The following EXOC6 variants were observed in gnomAD, a reference collection of about 807,000 sequenced individuals.
The protein encoded by EXOC6 is exocyst complex component 6, also known as SEC15-like 1.
A neutral mutation model predicts 112.5 loss-of-function variants in EXOC6; 60 were observed. The ratio of observed to expected loss-of-function variants is 0.53; its 90% CI spans 0.43 to 0.66. The LOEUF (loss-of-function observed/expected upper bound fraction) is 0.66, where lower values mean the gene tolerates loss of function less well. EXOC6 is among the 30% of genes least tolerant of loss of function. The pLI is 0.00. For synonymous variants in EXOC6, 295 were observed against 308.0 expected (o/e 0.96, Z 0.44); for missense variants, 855 against 957.1 (o/e 0.89, Z 1.41).
Position 92,915,905 on chromosome 10 carries a change from G to T in EXOC6, c.811G>T (p.Glu271Ter). 6.5e-7 allele frequency: 1 copy of T among 1,533,430 alleles called. No homozygotes were observed. The highest frequency in any genetic ancestry group is 1.3e-5 in the South Asian group (1 of 76,210). 95.0% of individuals were successfully genotyped at this position (1,533,430 alleles called of 1,614,324 possible). ...KHSLEEEDEN[E>*]EEILTVQDLV... ...TTCACTTGAAGAAGAGGATGAGAAT[G>T]AAGAAGAGGTGATAGGTGTCTTTCT... Residue 271 changes from glutamate (E) to a stop codon, truncating the protein, a stop_gained, in exon 7 of 22, where the codon GAA becomes TAA. Coordinates refer to ENST00000260762, the MANE Select transcript of EXOC6 (RefSeq NM_019053.6). LOFTEE classifies it high-confidence loss of function.
In EXOC6 at chr10:93,059,251, C is replaced by T. The variant is rs1168618500; in HGVS notation, c.*896C>T. ...GGAAACAAGCCAAACCAAATGAACT[C>T]TGGAAAACCTAAAACAAATGTACAT... is the stretch of plus-strand genomic sequence containing the variant. On this transcript the variant is annotated 3_prime_UTR_variant, in exon 22 of 22. Transcript: ENST00000260762. 1 of 152,176 alleles carries T rather than the reference C, an allele frequency of 6.6e-6. No individual in the cohort carries two copies. The highest frequency in any genetic ancestry group is 6.6e-5 in the Admixed American group (1 of 15,266). 9.4% of individuals were successfully genotyped at this position (152,176 alleles called of 1,614,324 possible). A position where few individuals can be genotyped will look rare whatever the true frequency, so the allele number is the denominator to read the frequency against.
At chr10:92,864,144 A>T (rs1215595738) in intron 1 of EXOC6, among the ~76,000 whole-genome samples, 1 of 152,174 alleles carries the variant, frequency 6.6e-6, no homozygotes. Context: ...GAAACACAGA[A>T]AATTATTCTG....
intron 12 of EXOC6, among the ~76,000 whole-genome samples, chr10:92,937,976 C>G (rs1355566528): frequency 6.6e-6 from 1 of 152,110 alleles, no homozygotes; most frequent in Non-Finnish European, 1.5e-5. Context: ...TCCCCAAGTA[C>G]AAAGTTTAGT....
intron 20 of EXOC6, among the ~76,000 whole-genome samples, chr10:93,045,541 A>G (rs761171884): frequency 1.9e-4 from 29 of 152,158 alleles, no homozygotes; most frequent in Non-Finnish European, 2.9e-4. Context: ...TTGGCATACA[A>G]TTTTTTCATT....
At chr10:92,975,865 C>A (rs1842559984) in intron 18 of EXOC6, among the ~76,000 whole-genome samples, 1 of 138,180 alleles carries the variant, frequency 7.2e-6, no homozygotes, top group Non-Finnish European at 1.6e-5. Flanking sequence ...GCCGCCCCTA[C>A]TGGGAAGTGA....
intron 1 of EXOC6, among the ~76,000 whole-genome samples, chr10:92,884,374 G>A (rs192181821): frequency 6.6e-6 from 1 of 152,224 alleles, no homozygotes. Context: ...GCAGTTGATT[G>A]ACATTTAGTA....
At chr10:92,933,460 A>G (rs2133951942) in intron 9 of EXOC6, among the ~76,000 whole-genome samples, 1 of 152,316 alleles carries the variant, frequency 6.6e-6, no homozygotes, top group East Asian at 1.9e-4. Context: ...GGTGACATGT[A>G]GACTATATTT....
Position 92,935,936 on chromosome 10 carries a change from C to G in EXOC6, c.1212+51C>G, listed in dbSNP as rs748279169. On this transcript the variant is annotated intron_variant, in intron 12 of 21. Transcript: ENST00000260762. ...GTTATTCTGATCACTTAAAAACATACAAAATATAGGCTATACTCATTTATG... is the reference window on the plus strand; with the variant it reads ...GTTATTCTGATCACTTAAAAACATAGAAAATATAGGCTATACTCATTTATG... 2.6e-6 allele frequency: 3 copies of G among 1,164,806 alleles called. No individual in the cohort carries two copies. The African/African-American group carries it at 4.7e-5, about 18-fold the overall frequency. The allele number at this position is 1,164,806 out of a possible 1,614,324, so 72.2% of individuals were successfully genotyped here.
In EXOC6 at chr10:92,935,879, T is replaced by G; in HGVS notation, c.1206T>G (p.Thr402=). The G allele has an allele frequency of 6.3e-7, 1 of 1,594,320 alleles. No homozygotes were observed. Among genetic ancestry groups the G allele is most frequent in the Non-Finnish European group, 8.6e-7 (1 of 1,164,176 alleles). Residue 402 remains threonine (T), a synonymous_variant, in exon 12 of 22, where the codon ACT becomes ACG. Transcript: ENST00000260762. ...ATCTTACTGTAATATTTGCAGATAC[T>G]TTACAGGTGGGTGATAACCTAACAA... ...LKNLTVIFAD[T]LQGYGFPVNR... is the part of the protein sequence containing the mutation.
At chr10:92,904,362 G>C (rs1367795692) in intron 5 of EXOC6, among the ~76,000 whole-genome samples, 3 of 152,028 alleles carry the variant, frequency 2.0e-5, no homozygotes, top group Non-Finnish European at 4.4e-5. Flanking sequence ...GTTTAGTTTT[G>C]TAAGAATCTG....
chr10:92,854,026 G>T (rs1847479170), intron 1 of EXOC6, among the ~76,000 whole-genome samples: 1 of 144,898 alleles, frequency 6.9e-6, no homozygotes, highest in African/African-American at 2.6e-5. Context: ...AAAAAAAAAG[G>T]AAAGAAAGAA....
intron 1 of EXOC6, among the ~76,000 whole-genome samples, chr10:92,864,808 T>G (rs535966599): frequency 2.0e-5 from 3 of 152,188 alleles, no homozygotes; most frequent in South Asian, 4.2e-4. Flanking sequence ...TGCAGGCCTT[T>G]TGACTTGGTC....
chr10:92,857,509 T>A (rs1039962935), intron 1 of EXOC6, among the ~76,000 whole-genome samples: 4 of 152,216 alleles, frequency 2.6e-5, no homozygotes, highest in African/African-American at 9.6e-5. Flanking sequence ...TCTTATTTAC[T>A]GTTTCTGATT....
chr10:92,971,528 C>CCTGTAATTAGCCA (rs1180656630), intron 17 of EXOC6, among the ~76,000 whole-genome samples: 8 of 152,228 alleles, frequency 5.3e-5, no homozygotes, highest in Middle Eastern at 3.4e-3. Flanking sequence ...GCACACACCA[C>CCTGTAATTAGCCA]CACGTGTGGC....
At chr10:92,910,712 G>A (rs146738046) in intron 6 of EXOC6, among the ~76,000 whole-genome samples, 4,257 of 152,208 alleles carry the variant, frequency 0.028, 164 homozygotes, top group East Asian at 0.15. Flanking sequence ...GGCAGATCAC[G>A]AGGTCAGGAG....
At chr10:93,013,516 G>A (rs1213662973) in intron 19 of EXOC6, among the ~76,000 whole-genome samples, 4 of 152,132 alleles carry the variant, frequency 2.6e-5, no homozygotes, top group Non-Finnish European at 5.9e-5. Context: ...GCTGAGATAG[G>A]AGAATCACTT....
At chr10:92,959,972 G>T (rs926246200) in intron 17 of EXOC6, among the ~76,000 whole-genome samples, 4 of 152,192 alleles carry the variant, frequency 2.6e-5, no homozygotes, top group African/African-American at 9.7e-5. Flanking sequence ...AAAGTGAAAC[G>T]CAGTCTTACC....
chr10:93,038,620 T>C (rs766734889), intron 20 of EXOC6, among the ~76,000 whole-genome samples: 15 of 152,222 alleles, frequency 9.9e-5, no homozygotes, highest in Admixed American at 6.5e-4. Flanking sequence ...TTCAACAATA[T>C]TGAGCTTTCC....
intron 18 of EXOC6, 77 bp from the exon 19 acceptor site, chr10:92,997,397 A>G: frequency 2.2e-6 from 3 of 1,367,664 alleles, no homozygotes; most frequent in Non-Finnish European, 3.0e-6. Flanking sequence ...TGCCAGGTGT[A>G]TGATTTTTCT....
Sources: gnomAD v4.1 joint callset for allele counts (sites outside exome capture counted in the v4.1 genomes callset) on GRCh38, gnomAD v4.1.1 for gene constraint, MANE v1.5 for transcripts, NCBI Gene and HGNC (gene_info 2026-07-23, HGNC 2026-07-21) for gene names.